The following PCSK2 variants were observed in gnomAD, a reference collection of about 807,000 sequenced individuals.
The protein encoded by PCSK2 is proprotein convertase subtilisin/kexin type 2.
In PCSK2, 14 loss-of-function variants were observed where a neutral mutation model predicts 69.7. The ratio of observed to expected loss-of-function variants is 0.20; its 90% CI spans 0.13 to 0.31. PCSK2 has a LOEUF of 0.31. Ranked by LOEUF, PCSK2 falls within the 10% of genes least tolerant of loss-of-function variation. The probability of loss-of-function intolerance (pLI) is 1.00; values close to 1 mark genes in which losing one functional copy is unlikely to be tolerated. For missense variants in PCSK2, 544 were observed against 842.5 expected (o/e 0.65, Z 4.39); for synonymous variants, 307 against 320.7 (o/e 0.96, Z 0.46).
chr20:17,283,450 G>A (rs1988394293), intron 2 of PCSK2, among the ~76,000 whole-genome samples: 1 of 152,120 alleles, frequency 6.6e-6, no homozygotes, highest in African/African-American at 2.4e-5. Flanking sequence ...CATAATGAAG[G>A]TTACACACAG....
intron 2 of PCSK2, among the ~76,000 whole-genome samples, chr20:17,306,457 C>T (rs1188068363): frequency 5.3e-5 from 8 of 152,158 alleles, no homozygotes; most frequent in Non-Finnish European, 1.0e-4. Flanking sequence ...GCAATAACTG[C>T]TTCTGTCTAG....
At chr20:17,335,919 G>A (rs1370456220) in intron 2 of PCSK2, among the ~76,000 whole-genome samples, 1 of 146,942 alleles carries the variant, frequency 6.8e-6, no homozygotes, top group Non-Finnish European at 1.5e-5. Context: ...TCCACACATT[G>A]ATTGATGGGC....
intron 2 of PCSK2, among the ~76,000 whole-genome samples, chr20:17,326,153 A>G (rs1990044486): frequency 6.6e-6 from 1 of 152,252 alleles, no homozygotes; most frequent in Non-Finnish European, 1.5e-5. Context: ...TGGGTACAGC[A>G]AAGGATGAAA....
intron 8 of PCSK2, among the ~76,000 whole-genome samples, chr20:17,447,607 AT>A (rs3216667): frequency 0.66 from 100,890 of 151,934 alleles, 33,855 homozygotes; most frequent in African/African-American, 0.75. Context: ...ATCGTCATTC[AT>A]TTTTTTTCAC....
intron 2 of PCSK2, among the ~76,000 whole-genome samples, chr20:17,343,743 A>C (rs1232096025): frequency 1.3e-5 from 2 of 152,232 alleles, no homozygotes; most frequent in African/African-American, 2.4e-5. Context: ...AGTCAAGGTG[A>C]TATCATACAA....
chr20:17,307,840 C>T (rs1033610992), intron 2 of PCSK2, among the ~76,000 whole-genome samples: 7 of 152,172 alleles, frequency 4.6e-5, no homozygotes, highest in Non-Finnish European at 1.0e-4. Context: ...TAAAAAAACA[C>T]CTCAGACTGG....
intron 5 of PCSK2, among the ~76,000 whole-genome samples, chr20:17,394,783 G>A (rs1394584729): frequency 2.0e-5 from 3 of 152,188 alleles, no homozygotes; most frequent in African/African-American, 4.8e-5. Context: ...TAAGGTATGT[G>A]CCCAGCTTCT....
chr20:17,405,630 G>T (rs529906465), intron 5 of PCSK2, among the ~76,000 whole-genome samples: 6 of 152,222 alleles, frequency 3.9e-5, no homozygotes, highest in African/African-American at 2.4e-5. Flanking sequence ...CGTGGTGCAG[G>T]CCATCTGTTT....
intron 2 of PCSK2, among the ~76,000 whole-genome samples, chr20:17,305,077 C>T (rs1005580784): frequency 6.6e-6 from 1 of 152,120 alleles, no homozygotes; most frequent in Admixed American, 6.6e-5. Context: ...AGATTCAGTA[C>T]GTTCTAAGAG....
At chr20:17,477,073 A>C (rs2033303717) in intron 11 of PCSK2, among the ~76,000 whole-genome samples, 1 of 152,244 alleles carries the variant, frequency 6.6e-6, no homozygotes, top group Non-Finnish European at 1.5e-5. Context: ...TCCAGAGAGT[A>C]TTAATGAACT....
intron 2 of PCSK2, among the ~76,000 whole-genome samples, chr20:17,302,265 C>G (rs534000903): frequency 6.6e-6 from 1 of 152,154 alleles, no homozygotes; most frequent in Non-Finnish European, 1.5e-5. Flanking sequence ...CTCCCTCCAC[C>G]AACCCATGTC....
At chr20:17,362,686 C>T (rs921462828) in intron 4 of PCSK2, among the ~76,000 whole-genome samples, 5 of 152,204 alleles carry the variant, frequency 3.3e-5, no homozygotes, top group African/African-American at 7.2e-5. Context: ...AAAGGCTAGA[C>T]CTGGAATGGG....
intron 2 of PCSK2, among the ~76,000 whole-genome samples, chr20:17,311,824 A>G (rs1272264440): frequency 6.6e-6 from 1 of 152,116 alleles, no homozygotes; most frequent in Non-Finnish European, 1.5e-5. Flanking sequence ...AGGTTTAGTA[A>G]TATCTCCAGG....
intron 2 of PCSK2, among the ~76,000 whole-genome samples, chr20:17,300,442 C>G (rs532886790): frequency 2.6e-5 from 4 of 152,352 alleles, no homozygotes; most frequent in South Asian, 4.1e-4. Flanking sequence ...CCCAGCCTAT[C>G]TGCATGAAAT....
intron 5 of PCSK2, among the ~76,000 whole-genome samples, chr20:17,378,962 T>A (rs886377050): frequency 1.3e-5 from 2 of 152,218 alleles, no homozygotes; most frequent in African/African-American, 4.8e-5. Context: ...GCTTTTTTAT[T>A]TGGGTTTCTA....
In PCSK2 at chr20:17,403,679, G is replaced by C. The variant is rs527430848; in HGVS notation, c.544-5584G>C. Among the ~76,000 whole-genome samples the C allele has an allele frequency of 1.4e-4, 21 of 152,350 alleles. 1 individual carries two copies. The South Asian group carries it at 4.3e-3, about 32-fold the overall frequency. ...TGCCTTCAGGGAAAGTAGCAAGACA[G>C]AATAAAAGGACAAATGCAATGCGGT... On this transcript the variant is annotated intron_variant, in intron 5 of 11. Coordinates refer to ENST00000262545, the MANE Select transcript of PCSK2 (RefSeq NM_002594.5).
intron 11 of PCSK2, among the ~76,000 whole-genome samples, chr20:17,478,131 T>C (rs1456965518): frequency 6.6e-6 from 1 of 152,196 alleles, no homozygotes; most frequent in Admixed American, 6.5e-5. Flanking sequence ...TAAAATTACA[T>C]CTATCATTCT....
chr20:17,436,610 C>T, intron 7 of PCSK2, 98 bp from the exon 8 acceptor site: 1 of 1,026,074 alleles, frequency 9.7e-7, no homozygotes, highest in Non-Finnish European at 1.5e-6. Context: ...AGATCTCCAA[C>T]CATTCCAAGT....
chr20:17,456,794 T>C (rs556611387), intron 10 of PCSK2, among the ~76,000 whole-genome samples: 1 of 152,368 alleles, frequency 6.6e-6, no homozygotes, highest in South Asian at 2.1e-4. Flanking sequence ...TGGGCTCTTC[T>C]ACTCCAGTGA....
Sources: allele counts gnomAD v4.1 joint callset (sites outside exome capture counted in the v4.1 genomes callset), GRCh38; gene constraint gnomAD v4.1.1; transcripts MANE v1.5; gene names NCBI Gene and HGNC (gene_info 2026-07-23, HGNC 2026-07-21).